Variants in RPGRIP1L observed in about 807,000 individuals in gnomAD.
RPGRIP1L encodes the protein protein fantom.
In RPGRIP1L, 131 loss-of-function variants were observed where a neutral mutation model predicts 160.4. The observed-to-expected ratio is 0.82, with a 90% CI of 0.71 to 0.94. RPGRIP1L has a LOEUF of 0.94. Among genes scored for constraint, RPGRIP1L ranks in the 40% least tolerant of loss-of-function variants. The pLI, the probability that RPGRIP1L is intolerant of heterozygous loss-of-function variation, is 0.00. For synonymous variants in RPGRIP1L, 510 were observed against 515.8 expected, an observed-to-expected ratio of 0.99 and a Z score of 0.15; for missense variants, 1,522 against 1,535.8, an observed-to-expected ratio of 0.99 and a Z score of 0.15.
chr16:53,645,505 TA>T, intron 17 of RPGRIP1L, 119 bp downstream of exon 17: 1 of 891,618 alleles, frequency 1.1e-6, no homozygotes, highest in Non-Finnish European at 1.7e-6. Context: ...AATATAGGCC[TA>T]AAGTTTAAAG....
intron 13 of RPGRIP1L, 120 bp from the exon 14 acceptor site, chr16:53,656,709 T>C (rs531395259): frequency 3.9e-6 from 3 of 764,672 alleles, no homozygotes; most frequent in Non-Finnish European, 6.9e-6. Context: ...TGAACCATGG[T>C]TTCCTGACCT....
At chr16:53,674,638 A>C (rs1215476542) in intron 7 of RPGRIP1L, among the ~76,000 whole-genome samples, 1 of 152,180 alleles carries the variant, frequency 6.6e-6, no homozygotes, top group Non-Finnish European at 1.5e-5. Flanking sequence ...ATTGCCAATA[A>C]TTTTATAAAT....
At position 53,602,195 on chromosome 16, in the gene RPGRIP1L, A is replaced by G; in HGVS notation, c.3836-7T>C. The G allele has an allele frequency of 1.3e-6, 2 of 1,582,928 alleles. No homozygotes were observed. The highest frequency in any genetic ancestry group is 1.7e-6 in the Non-Finnish European group (2 of 1,151,950). ...TCTGCTCGTGCATCAAAAACTAGGG[A>G]GAAAAGAGCAGGAAAGTGTTAATAT... On this transcript the variant is annotated splice_polypyrimidine_tract_variant and splice_region_variant and intron_variant, in intron 26 of 26. Coordinates refer to ENST00000647211, the MANE Select transcript of RPGRIP1L (RefSeq NM_015272.5).
At chr16:53,661,798 T>C (rs1008165842) in intron 10 of RPGRIP1L, among the ~76,000 whole-genome samples, 3 of 152,224 alleles carry the variant, frequency 2.0e-5, no homozygotes, top group African/African-American at 7.2e-5. Context: ...TCAACAACGA[T>C]ATCTCCATTC....
chr16:53,700,794 T>G, intron 1 of RPGRIP1L, 64 bp from the exon 2 acceptor site: 2 of 1,301,290 alleles, frequency 1.5e-6, no homozygotes, highest in Non-Finnish European at 2.2e-6. Flanking sequence ...TGCAATGGAA[T>G]GAACCAAATA....
At chr16:53,661,337 A>T (rs1383302373) in intron 10 of RPGRIP1L, among the ~76,000 whole-genome samples, 2 of 152,072 alleles carry the variant, frequency 1.3e-5, no homozygotes, top group East Asian at 3.8e-4. Context: ...AACAATACTT[A>T]AAAATTTTGA....
At chr16:53,695,631 G>A (rs1970696987) in intron 3 of RPGRIP1L, 1 of 574,252 alleles carries the variant, frequency 1.7e-6, no homozygotes, top group South Asian at 2.2e-5. Flanking sequence ...TAAATCAAAA[G>A]TGACAATACT....
At chr16:53,666,225 T>A (rs1402839373) in intron 9 of RPGRIP1L, among the ~76,000 whole-genome samples, 1 of 152,138 alleles carries the variant, frequency 6.6e-6, no homozygotes, top group Non-Finnish European at 1.5e-5. Flanking sequence ...TCATTTCACA[T>A]TTTGAATATT....
chr16:53,659,090 CA>C, intron 10 of RPGRIP1L: 3 of 640,472 alleles, frequency 4.7e-6, no homozygotes, highest in South Asian at 2.2e-5. Context: ...ACTTGCTCAT[CA>C]AAAACCCAAG....
intron 6 of RPGRIP1L, 113 bp downstream of exon 6, chr16:53,686,320 A>G: frequency 1.7e-6 from 2 of 1,153,516 alleles, no homozygotes; most frequent in South Asian, 2.7e-5. Context: ...AAGAATGTTA[A>G]GTAAAAACAT....
intron 25 of RPGRIP1L, among the ~76,000 whole-genome samples, chr16:53,606,735 T>C (rs1411505268): frequency 6.6e-6 from 1 of 152,134 alleles, no homozygotes; most frequent in East Asian, 1.9e-4. Flanking sequence ...TGCCTCAGCC[T>C]CCCGAGTAGC....
At chr16:53,662,542 A>C (rs1967893638) in intron 10 of RPGRIP1L, among the ~76,000 whole-genome samples, 1 of 152,146 alleles carries the variant, frequency 6.6e-6, no homozygotes, top group South Asian at 2.1e-4. Context: ...GTATGAAGAC[A>C]CTTCAAAGTA....
At chr16:53,663,380 C>G (rs1025477776) in intron 10 of RPGRIP1L, among the ~76,000 whole-genome samples, 1 of 151,932 alleles carries the variant, frequency 6.6e-6, no homozygotes, top group African/African-American at 2.4e-5. Context: ...GTTCAGATAT[C>G]CAAAAGATAA....
chr16:53,618,674 G>A (rs1964525069), intron 24 of RPGRIP1L, among the ~76,000 whole-genome samples: 1 of 152,140 alleles, frequency 6.6e-6, no homozygotes, highest in Admixed American at 6.5e-5. Flanking sequence ...CTCCTGAGTA[G>A]CTGGGACTAC....
chr16:53,691,109 GTT>G (rs1185723333), intron 4 of RPGRIP1L, among the ~76,000 whole-genome samples: 1 of 138,518 alleles, frequency 7.2e-6, no homozygotes, highest in African/African-American at 2.6e-5. Flanking sequence ...GTGGTTTTTC[GTT>G]TTTTTTTTTT....
At chr16:53,606,080 A>G (rs1963664917) in intron 25 of RPGRIP1L, among the ~76,000 whole-genome samples, 1 of 152,248 alleles carries the variant, frequency 6.6e-6, no homozygotes, top group Non-Finnish European at 1.5e-5. Context: ...TATGTGTTCT[A>G]CAAAATGCAG....
intron 14 of RPGRIP1L, 121 bp from the exon 15 acceptor site, chr16:53,653,108 C>T (rs1966927531): frequency 2.2e-6 from 2 of 908,032 alleles, no homozygotes; most frequent in Admixed American, 4.9e-5. Context: ...AATTCTATGA[C>T]TACACTGTTT....
At chr16:53,693,064 A>G (rs1443019744) in intron 3 of RPGRIP1L, among the ~76,000 whole-genome samples, 1 of 152,210 alleles carries the variant, frequency 6.6e-6, no homozygotes, top group Non-Finnish European at 1.5e-5. Context: ...TTTTGATAAA[A>G]ACTGGTTAGA....
chr16:53,698,212 C>T (rs1177589127), intron 2 of RPGRIP1L, among the ~76,000 whole-genome samples: 1 of 150,516 alleles, frequency 6.6e-6, no homozygotes, highest in Non-Finnish European at 1.5e-5. Context: ...CCGGCAGCCA[C>T]CCCGTCTGGG....
Sources: gnomAD v4.1 joint callset for allele counts (sites outside exome capture counted in the v4.1 genomes callset) on GRCh38, gnomAD v4.1.1 for gene constraint, MANE v1.5 for transcripts, NCBI Gene and HGNC (gene_info 2026-07-23, HGNC 2026-07-21) for gene names.